Variants in RBFOX1 observed in about 807,000 individuals in gnomAD.
RBFOX1 encodes the protein RNA binding fox-1 homolog 1, also known as RNA binding protein fox-1 homolog 1.
Under a neutral mutation model 57.7 loss-of-function variants are expected in RBFOX1, and 8 were observed. The observed-to-expected ratio is 0.14, with a 90% CI of 0.08 to 0.25. RBFOX1 has a LOEUF of 0.25. Among genes scored for constraint, RBFOX1 ranks in the 10% least tolerant of loss-of-function variants. RBFOX1 has a pLI of 1.00. For missense variants in RBFOX1, 611 were observed against 548.5 expected, an observed-to-expected ratio of 1.11 and a Z score of -1.14; for synonymous variants, 326 against 222.4, an observed-to-expected ratio of 1.47 and a Z score of -4.15.
At chr16:6,959,927 A>G (rs1027899439) in intron 3 of RBFOX1, among the ~76,000 whole-genome samples, 1 of 152,044 alleles carries the variant, frequency 6.6e-6, no homozygotes, top group Non-Finnish European at 1.5e-5. Context: ...CAAGAGCGAA[A>G]CTCCATCTCA....
chr16:7,239,502 T>A (rs1294496673), intron 4 of RBFOX1, among the ~76,000 whole-genome samples: 1 of 151,802 alleles, frequency 6.6e-6, no homozygotes, highest in African/African-American at 2.4e-5. Flanking sequence ...GTCTAAAAAA[T>A]AAATAAATAA....
At chr16:6,827,803 G>C (rs1019645464) in intron 3 of RBFOX1, among the ~76,000 whole-genome samples, 1 of 152,196 alleles carries the variant, frequency 6.6e-6, no homozygotes, top group Non-Finnish European at 1.5e-5. Context: ...TCCCAGGTCA[G>C]CTTCGCTTCT....
chr16:6,879,340 C>T (rs903113546), intron 3 of RBFOX1, among the ~76,000 whole-genome samples: 1 of 152,200 alleles, frequency 6.6e-6, no homozygotes, highest in Non-Finnish European at 1.5e-5. Context: ...TTCAGACACT[C>T]TGTCTCCTAT....
chr16:6,862,849 G>A (rs1450890664), intron 3 of RBFOX1, among the ~76,000 whole-genome samples: 1 of 151,838 alleles, frequency 6.6e-6, no homozygotes, highest in Admixed American at 6.6e-5. Context: ...GCCAGTCATG[G>A]TGGCCGGCAC....
intron 3 of RBFOX1, among the ~76,000 whole-genome samples, chr16:6,980,258 C>T (rs1244332963): frequency 6.6e-6 from 1 of 152,130 alleles, no homozygotes; most frequent in Non-Finnish European, 1.5e-5. Context: ...TACAAATGTG[C>T]TGTGTCAGGT....
chr16:6,428,333 C>G (rs903795357), intron 2 of RBFOX1, among the ~76,000 whole-genome samples: 2 of 150,376 alleles, frequency 1.3e-5, no homozygotes, highest in African/African-American at 4.9e-5. Flanking sequence ...AGTTAGCATT[C>G]CATACATTGA....
At chr16:7,557,830 T>A (rs1337811794) in intron 5 of RBFOX1, among the ~76,000 whole-genome samples, 1 of 151,794 alleles carries the variant, frequency 6.6e-6, no homozygotes, top group African/African-American at 2.4e-5. Flanking sequence ...TCTGAAGCAT[T>A]TGCCAATTTC....
At chr16:5,959,323 A>G (rs565718936) in intron 4 of RBFOX1, among the ~76,000 whole-genome samples, 2 of 152,322 alleles carry the variant, frequency 1.3e-5, no homozygotes, top group East Asian at 3.9e-4. Flanking sequence ...TTTCTTCCTC[A>G]GCCTGAATCT....
chr16:7,206,188 C>A (rs1214297383), intron 4 of RBFOX1, among the ~76,000 whole-genome samples: 1 of 152,156 alleles, frequency 6.6e-6, no homozygotes, highest in Non-Finnish European at 1.5e-5. Context: ...GAAACAGACT[C>A]ATAACCTTTC....
intron 3 of RBFOX1, among the ~76,000 whole-genome samples, chr16:6,801,976 C>G (rs534652350): frequency 5.3e-5 from 8 of 152,152 alleles, no homozygotes; most frequent in African/African-American, 1.9e-4. Flanking sequence ...GGTGATTACC[C>G]TTATCTTGTC....
chr16:7,270,804 C>G (rs138470087), intron 4 of RBFOX1, among the ~76,000 whole-genome samples: 1 of 152,306 alleles, frequency 6.6e-6, no homozygotes, highest in African/African-American at 2.4e-5. Context: ...CCTTCCCTAT[C>G]AACTTTCCCC....
intron 4 of RBFOX1, among the ~76,000 whole-genome samples, chr16:7,333,506 T>C (rs1356677394): frequency 1.3e-5 from 2 of 152,164 alleles, no homozygotes; most frequent in Non-Finnish European, 2.9e-5. Context: ...ATGCATTAAT[T>C]CATAGGACGC....
At chr16:7,086,721 T>TACACACACACACACACACAGAG (rs1555460280) in intron 4 of RBFOX1, among the ~76,000 whole-genome samples, 3 of 149,476 alleles carry the variant, frequency 2.0e-5, no homozygotes, top group Non-Finnish European at 3.0e-5. Flanking sequence ...GAAGAATGTA[T>TACACACACACACACACACAGAG]ACACACACAC....
At chr16:6,057,566 A>G (rs2095629585) in intron 1 of RBFOX1, among the ~76,000 whole-genome samples, 2 of 151,096 alleles carry the variant, frequency 1.3e-5, no homozygotes, top group Admixed American at 1.3e-4. Flanking sequence ...GGACAGACCA[A>G]AAGGGAAAAA....
chr16:6,712,531 C>G (rs1438939455), intron 3 of RBFOX1, among the ~76,000 whole-genome samples: 1 of 152,124 alleles, frequency 6.6e-6, no homozygotes, highest in South Asian at 2.1e-4. Context: ...TTTCCAGTGA[C>G]ACAGGGCATC....
intron 1 of RBFOX1, among the ~76,000 whole-genome samples, chr16:6,178,418 C>T (rs1308582211): frequency 6.6e-6 from 1 of 151,772 alleles, no homozygotes; most frequent in African/African-American, 2.4e-5. Flanking sequence ...CTCCTGACCT[C>T]GTGATCTGCC....
intron 4 of RBFOX1, among the ~76,000 whole-genome samples, chr16:5,965,805 C>T (rs940970191): frequency 6.6e-6 from 1 of 152,124 alleles, no homozygotes; most frequent in Admixed American, 6.5e-5. Flanking sequence ...CCAGGTTTCC[C>T]TTGGCCCTTC....
intron 3 of RBFOX1, among the ~76,000 whole-genome samples, chr16:6,914,745 G>C (rs2072674257): frequency 6.6e-6 from 1 of 152,080 alleles, no homozygotes; most frequent in South Asian, 2.1e-4. Flanking sequence ...ATGGTGGTGT[G>C]CACCTGTAGT....
At chr16:5,569,130 G>A (rs1054936872) in intron 2 of RBFOX1, among the ~76,000 whole-genome samples, 9 of 151,824 alleles carry the variant, frequency 5.9e-5, no homozygotes, top group African/African-American at 1.5e-4. Context: ...GATTACAGGC[G>A]TGAGCCACCA....
Sources: gnomAD v4.1 joint callset for allele counts (sites outside exome capture counted in the v4.1 genomes callset) on GRCh38, gnomAD v4.1.1 for gene constraint, MANE v1.5 for transcripts, NCBI Gene and HGNC (gene_info 2026-07-23, HGNC 2026-07-21) for gene names.